SORD: variants seen among roughly 807,000 people sequenced by gnomAD.
The protein encoded by SORD is (R,R)-butanediol dehydrogenase.
In SORD, 18 loss-of-function variants were observed where a neutral mutation model predicts 35.6. The observed-to-expected ratio is 0.51, with a 90% CI of 0.35 to 0.75. The LOEUF is 0.75. Ranked by LOEUF, SORD falls within the 30% of genes least tolerant of loss-of-function variation. The probability of loss-of-function intolerance (pLI) is 0.01; values close to 1 mark genes in which losing one functional copy is unlikely to be tolerated. For synonymous variants in SORD, 106 were observed against 152.9 expected (o/e 0.69, Z 2.26); for missense variants, 250 against 390.2 (o/e 0.64, Z 3.03).
chr15:45,041,000 A>G (rs1892957013), intron 2 of SORD, among the ~76,000 whole-genome samples: 1 of 152,144 alleles, frequency 6.6e-6, no homozygotes, highest in Non-Finnish European at 1.5e-5. Flanking sequence ...CTAATCAACC[A>G]AGCACAGAAA....
At chr15:45,041,733 T>C (rs1172288208) in intron 2 of SORD, 1 of 152,224 alleles carries the variant, frequency 6.6e-6, no homozygotes, top group African/African-American at 2.4e-5. Context: ...GAGGGCTGTC[T>C]TGGACACAGA....
chr15:45,047,709 G>C (rs1893065981), intron 3 of SORD, among the ~76,000 whole-genome samples: 2 of 152,206 alleles, frequency 1.3e-5, no homozygotes, highest in South Asian at 4.1e-4. Flanking sequence ...GGCAGGATAA[G>C]GCCTGTGGGT....
chr15:45,027,109 G>A (rs74011305), intron 1 of SORD, among the ~76,000 whole-genome samples: 30,062 of 148,554 alleles, frequency 0.2, no homozygotes, highest in African/African-American at 0.44. Flanking sequence ...TTCTTTTATA[G>A]TTAGGAGAAC....
intron 2 of SORD, 86 bp downstream of exon 2, chr15:45,040,527 T>A (rs1294946408): frequency 2.9e-6 from 3 of 1,017,128 alleles, no homozygotes; most frequent in African/African-American, 1.6e-5. Context: ...CTTACCTCTC[T>A]TTTCCAACTG....
chr15:45,046,659 T>A (rs1893049587), intron 3 of SORD, among the ~76,000 whole-genome samples: 2 of 152,234 alleles, frequency 1.3e-5, no homozygotes, highest in Non-Finnish European at 2.9e-5. Flanking sequence ...AAAATTCTAA[T>A]CAACTAATCT....
intron 1 of SORD, among the ~76,000 whole-genome samples, chr15:45,024,979 T>C (rs1309702013): frequency 6.6e-6 from 1 of 152,274 alleles, no homozygotes; most frequent in East Asian, 1.9e-4. Context: ...TTCTCCTTCA[T>C]CTTACCTCAA....
intron 4 of SORD, among the ~76,000 whole-genome samples, chr15:45,062,376 C>T (rs958687338): frequency 2.6e-5 from 4 of 152,218 alleles, no homozygotes; most frequent in Non-Finnish European, 4.4e-5. Context: ...CTGCGTGGCC[C>T]CCCATGGCCC....
chr15:45,057,780 C>A (rs1893240810), intron 3 of SORD, among the ~76,000 whole-genome samples: 1 of 151,436 alleles, frequency 6.6e-6, no homozygotes, highest in African/African-American at 2.4e-5. Flanking sequence ...GAGACTCTGT[C>A]TCAAAAAAAA....
At position 45,045,956 on chromosome 15, in the gene SORD, G is replaced by C. The variant is rs1893040687; in HGVS notation, c.265+2535G>C. Among the ~76,000 whole-genome samples, 2 of 152,008 alleles carry C rather than the reference G, an allele frequency of 1.3e-5. 1 individual carries two copies. Among genetic ancestry groups the C allele is most frequent in the South Asian group, 4.1e-4 (2 of 4,828 alleles). ...GTTGAGGTTGCAGTGAGCCATGATT[G>C]CACCACTGCACTCCAGCTTGGGTGA... is the stretch of plus-strand genomic sequence containing the variant. On this transcript the variant is annotated intron_variant, in intron 3 of 8. Coordinates refer to ENST00000267814, the MANE Select transcript of SORD (RefSeq NM_003104.6).
intron 1 of SORD, among the ~76,000 whole-genome samples, chr15:45,027,437 T>G (rs1446284050): frequency 6.6e-6 from 1 of 152,254 alleles, no homozygotes; most frequent in African/African-American, 2.4e-5. Context: ...GAGGATTCAG[T>G]GGAACCAATT....
chr15:45,037,721 T>G lies in SORD; in HGVS notation c.67-2687T>G, dbSNP rs146073734. Among the ~76,000 whole-genome samples, 110 of 151,906 alleles carry G rather than the reference T, an allele frequency of 7.2e-4. 1 individual carries two copies. In the East Asian group the frequency reaches 0.014, roughly 19 times the overall value. On this transcript the variant is annotated intron_variant, in intron 1 of 8. Transcript: ENST00000267814. ...CAGGAACAGAAAACCAAATACCACATGTTCTCACTCATAAGTGGGAGTTGA... is the reference window on the plus strand; with the variant it reads ...CAGGAACAGAAAACCAAATACCACAGGTTCTCACTCATAAGTGGGAGTTGA...
chr15:45,062,896 A>G (rs1893344081), intron 4 of SORD, among the ~76,000 whole-genome samples: 1 of 144,634 alleles, frequency 6.9e-6, no homozygotes, highest in Non-Finnish European at 1.5e-5. Context: ...ATTACTGATG[A>G]GATCCAATGA....
At chr15:45,060,355 G>A (rs910378041) in intron 3 of SORD, among the ~76,000 whole-genome samples, 2 of 152,120 alleles carry the variant, frequency 1.3e-5, no homozygotes, top group Non-Finnish European at 2.9e-5. Flanking sequence ...ATAATAAAAA[G>A]ATAGAAAAAA....
At chr15:45,062,983 G>T (rs1201112922) in intron 4 of SORD, among the ~76,000 whole-genome samples, 1 of 148,598 alleles carries the variant, frequency 6.7e-6, no homozygotes, top group Admixed American at 6.6e-5. Context: ...CTATGCCATA[G>T]TCATGGCCTA....
At chr15:45,025,036 C>T (rs11635535) in intron 1 of SORD, among the ~76,000 whole-genome samples, 1,814 of 152,304 alleles carry the variant, frequency 0.012, 14 homozygotes, top group Middle Eastern at 0.031. Context: ...ACTATGGTTC[C>T]GTAGACAAAG....
At chr15:45,038,126 C>CCCTTCCTTCCTTCTTTCCTTCCTT (rs1892899777) in intron 1 of SORD, among the ~76,000 whole-genome samples, 2 of 122,244 alleles carry the variant, frequency 1.6e-5, no homozygotes, top group African/African-American at 5.9e-5. Context: ...CTCGCATCCT[C>CCCTTCCTTCCTTCTTTCCTTCCTT]CCTTCCTTCC....
chr15:45,056,602 C>T (rs979976399), intron 3 of SORD, among the ~76,000 whole-genome samples: 1 of 152,146 alleles, frequency 6.6e-6, no homozygotes, highest in Admixed American at 6.5e-5. Flanking sequence ...CTATATTTCC[C>T]ATGTGGTTTT....
At chr15:45,037,982 C>T (rs1274847208) in intron 1 of SORD, among the ~76,000 whole-genome samples, 4 of 151,794 alleles carry the variant, frequency 2.6e-5, no homozygotes, top group Non-Finnish European at 4.4e-5. Context: ...AAAAAATCCA[C>T]GTGGTATAAC....
chr15:45,035,647 G>A (rs142596519), intron 1 of SORD, among the ~76,000 whole-genome samples: 2,321 of 152,210 alleles, frequency 0.015, 49 homozygotes, highest in South Asian at 0.11. Flanking sequence ...TCCACACTGT[G>A]GAAGCTTTGT....
Sources: allele counts gnomAD v4.1 joint callset (sites outside exome capture counted in the v4.1 genomes callset), GRCh38; gene constraint gnomAD v4.1.1; transcripts MANE v1.5; gene names NCBI Gene and HGNC (gene_info 2026-07-23, HGNC 2026-07-21).